Variants in JCAD observed in about 807,000 individuals in gnomAD.
The protein encoded by JCAD is junctional cadherin 5 associated.
JCAD carries 40 observed loss-of-function variants against 98.0 expected under a neutral mutation model. The ratio of observed to expected loss-of-function variants is 0.41; its 90% CI spans 0.32 to 0.53. The LOEUF is 0.53. JCAD is among the 20% of genes least tolerant of loss of function. The probability of loss-of-function intolerance (pLI) is 0.31; values close to 1 mark genes in which losing one functional copy is unlikely to be tolerated. For missense variants in JCAD, 1,705 were observed against 1,738.1 expected (o/e 0.98, Z 0.34); for synonymous variants, 691 against 682.3 (o/e 1.01, Z -0.20).
At chr10:30,089,163 A>G (rs1935436) in intron 1 of JCAD, among the ~76,000 whole-genome samples, 67,409 of 151,902 alleles carry the variant, frequency 0.44, 17,194 homozygotes, top group African/African-American at 0.7. Context: ...AGGCTGTACC[A>G]TGTCCTTGGT....
At chr10:30,056,168 GT>G (rs1333222571) in intron 1 of JCAD, among the ~76,000 whole-genome samples, 19 of 152,142 alleles carry the variant, frequency 1.2e-4, no homozygotes, top group African/African-American at 4.6e-4. Context: ...ATAGGTTAGA[GT>G]TTTATTCCCT....
Position 30,049,535 on chromosome 10 carries a change from C to T in JCAD, c.-59-1664G>A, listed in dbSNP as rs78358102. ...GGAAGTTGATAATTTTCCATTATGT[C>T]CCTACATTTTATGGAAGCTGACAAG... is the stretch of plus-strand genomic sequence containing the variant. On this transcript the variant is annotated intron_variant, in intron 1 of 3. Coordinates refer to ENST00000375377, the MANE Select transcript of JCAD (RefSeq NM_020848.4). Among the ~76,000 whole-genome samples, 636 of 152,242 alleles carry T rather than the reference C, an allele frequency of 4.2e-3. 37 individuals are homozygous for T. The East Asian group carries it at 0.11, about 26-fold the overall frequency.
intron 1 of JCAD, among the ~76,000 whole-genome samples, chr10:30,092,291 A>C (rs1476317046): frequency 6.6e-6 from 1 of 151,028 alleles, no homozygotes; most frequent in Non-Finnish European, 1.5e-5. Flanking sequence ...GTCGCTGTGC[A>C]CCGGGACCCA....
chr10:30,039,693 G>A (rs1199344233), intron 2 of JCAD, among the ~76,000 whole-genome samples: 1 of 152,190 alleles, frequency 6.6e-6, no homozygotes, highest in African/African-American at 2.4e-5. Flanking sequence ...CAGAGGGGTG[G>A]TTTCTGGCTT....
chr10:30,036,273 C>A (rs922246267), intron 2 of JCAD, among the ~76,000 whole-genome samples: 12 of 152,210 alleles, frequency 7.9e-5, no homozygotes, highest in Non-Finnish European at 1.6e-4. Flanking sequence ...GTGAATGAAA[C>A]CCCGTCTGTA....
chr10:30,087,048 C>A (rs1465753985), intron 1 of JCAD, among the ~76,000 whole-genome samples: 1 of 152,188 alleles, frequency 6.6e-6, no homozygotes, highest in Non-Finnish European at 1.5e-5. Context: ...GGTAGGGGAA[C>A]CCTTATTCCT....
At chr10:30,053,564 AAAAAAGAAAAG>A (rs1163612639) in intron 1 of JCAD, among the ~76,000 whole-genome samples, 1 of 149,604 alleles carries the variant, frequency 6.7e-6, no homozygotes, top group African/African-American at 2.5e-5. Context: ...TGTCTCAAAA[AAAAAAGAAAAG>A]AAAAGAAAAG....
At chr10:30,060,299 A>C (rs1473855247), upstream of JCAD, among the ~76,000 whole-genome samples, 1 of 152,160 alleles carries the variant, frequency 6.6e-6, no homozygotes, top group Admixed American at 6.5e-5. Flanking sequence ...TGATGACAGG[A>C]GCAGGATTTG....
chr10:30,111,384 T>C (rs1262502637), intron 1 of JCAD, among the ~76,000 whole-genome samples: 1 of 152,192 alleles, frequency 6.6e-6, no homozygotes, highest in Non-Finnish European at 1.5e-5. Context: ...CATTGACCCA[T>C]CTGAAGATTG....
intron 1 of JCAD, among the ~76,000 whole-genome samples, chr10:30,052,440 G>C (rs890948188): frequency 6.6e-6 from 1 of 152,170 alleles, no homozygotes; most frequent in African/African-American, 2.4e-5. Flanking sequence ...GCTGCCCCAG[G>C]AAAAAGAGTA....
At chr10:30,096,923 T>C (rs926473015) in intron 1 of JCAD, among the ~76,000 whole-genome samples, 16 of 152,226 alleles carry the variant, frequency 1.1e-4, no homozygotes. Context: ...ATTACAGTAA[T>C]TATAACAATT....
intron 1 of JCAD, among the ~76,000 whole-genome samples, chr10:30,049,485 G>C (rs958725371): frequency 2.6e-5 from 4 of 152,146 alleles, no homozygotes; most frequent in African/African-American, 7.2e-5. Context: ...AGTCTCGCCT[G>C]TCAGCATGGA....
intron 1 of JCAD, among the ~76,000 whole-genome samples, chr10:30,079,160 A>T (rs1240082910): frequency 6.6e-6 from 1 of 152,058 alleles, no homozygotes; most frequent in Non-Finnish European, 1.5e-5. Context: ...AGGAGATGAG[A>T]CCACGGTGAA....
At chr10:30,067,318 C>G (rs116307220) in intron 2 of JCAD, among the ~76,000 whole-genome samples, 3,087 of 151,712 alleles carry the variant, frequency 0.02, 97 homozygotes, top group African/African-American at 0.07. Flanking sequence ...TGAGAACTAC[C>G]TTTTTTCTGT....
chr10:30,028,977 G>C lies in JCAD; in HGVS notation c.1171C>G (p.Pro391Ala), dbSNP rs1276014233. The C allele has an allele frequency of 6.2e-7, 1 of 1,613,898 alleles. No individual in the cohort carries two copies. The highest frequency in any genetic ancestry group is 1.3e-5 in the African/African-American group (1 of 74,902). Residue 391 changes from proline to alanine, a missense_variant, in exon 3 of 4, where the codon CCT becomes GCT. Physicochemically the swap from Pro to Ala is conservative, Grantham distance 27. Transcript: ENST00000375377. ...GASGQPPSGP[P>A]GTGNEYGVSP... ...ACACCATACTCATTCCCAGTTCCAGGGGGGCCTGAAGGAGGCTGACCGCTG... is the reference window on the plus strand; with the variant it reads ...ACACCATACTCATTCCCAGTTCCAGCGGGGCCTGAAGGAGGCTGACCGCTG...
At chr10:30,049,187 C>T (rs375622125) in intron 1 of JCAD, among the ~76,000 whole-genome samples, 1 of 152,186 alleles carries the variant, frequency 6.6e-6, no homozygotes, top group Non-Finnish European at 1.5e-5. Flanking sequence ...ACTGCTTCTA[C>T]GGGGGCTGAT....
intron 3 of JCAD, among the ~76,000 whole-genome samples, chr10:30,021,761 C>T (rs1467666902): frequency 1.3e-5 from 2 of 152,146 alleles, no homozygotes; most frequent in Non-Finnish European, 2.9e-5. Flanking sequence ...CAATATTGGA[C>T]AGCACAGGTC....
At chr10:30,111,504 G>A (rs929640764) in intron 1 of JCAD, among the ~76,000 whole-genome samples, 3 of 152,308 alleles carry the variant, frequency 2.0e-5, no homozygotes, top group African/African-American at 4.8e-5. Flanking sequence ...GTACTGAGAT[G>A]CAATAGTAGA....
intron 1 of JCAD, among the ~76,000 whole-genome samples, chr10:30,093,626 G>A (rs1268103222): frequency 6.6e-6 from 1 of 152,142 alleles, no homozygotes; most frequent in Non-Finnish European, 1.5e-5. Context: ...CTAGCCCCCC[G>A]CATGTGGCTC....
Sources: allele counts gnomAD v4.1 joint callset (sites outside exome capture counted in the v4.1 genomes callset), GRCh38; gene constraint gnomAD v4.1.1; transcripts MANE v1.5; gene names NCBI Gene and HGNC (gene_info 2026-07-23, HGNC 2026-07-21).